The following VHL variants were observed in gnomAD, a reference collection of about 807,000 sequenced individuals.
VHL encodes the protein von Hippel-Lindau disease tumor suppressor.
Under a neutral mutation model 19.2 loss-of-function variants are expected in VHL, and 10 were observed. The observed-to-expected ratio is 0.52, with a 90% CI of 0.32 to 0.89. The LOEUF (loss-of-function observed/expected upper bound fraction) is 0.89. VHL is among the 40% of genes least tolerant of loss of function. The pLI is 0.03. For synonymous variants in VHL, 167 were observed against 129.5 expected (o/e 1.29, Z -1.97); for missense variants, 328 against 292.7 (o/e 1.12, Z -0.88).
intron 2 of VHL, 109 bp from the exon 3 acceptor site, chr3:10,149,678 C>T: frequency 1.0e-6 from 1 of 986,364 alleles, no homozygotes; most frequent in Non-Finnish European, 1.6e-6. Flanking sequence ...TTTCTTTAAC[C>T]TAAAGTGAGA....
rs557550041 is a variant in VHL, at chr3:10,152,779, C to T, written c.*2814C>T. Among the ~76,000 whole-genome samples, 13 of 151,802 alleles carry T rather than the reference C, an allele frequency of 8.6e-5. No individual in the cohort carries two copies. Among genetic ancestry groups the T allele is most frequent in the East Asian group, 4.0e-4 (2 of 5,052 alleles). ...TGCTGGGATTACAGGTGTGAGCCAC[C>T]GCGTCCAGCCAGCTTTATTATTTTT... On this transcript the variant is annotated 3_prime_UTR_variant, in exon 3 of 3. Coordinates refer to ENST00000256474, the MANE Select transcript of VHL (RefSeq NM_000551.4).
At chr3:10,143,691 C>T (rs1388400745) in intron 1 of VHL, among the ~76,000 whole-genome samples, 1 of 152,170 alleles carries the variant, frequency 6.6e-6, no homozygotes, top group African/African-American at 2.4e-5. Flanking sequence ...TCGTGATCTG[C>T]CTGCTTCGGC....
At chr3:10,146,421 G>T in intron 1 of VHL, 93 bp from the exon 2 acceptor site, 1 of 1,552,832 alleles carries the variant, frequency 6.4e-7, no homozygotes, top group Non-Finnish European at 8.8e-7. Context: ...TGATCCGCCT[G>T]CCTCGGCCTC....
chr3:10,142,285 G>T (rs1199741498), intron 1 of VHL, 98 bp downstream of exon 1: 2 of 1,369,610 alleles, frequency 1.5e-6, no homozygotes, highest in Non-Finnish European at 2.0e-6. Flanking sequence ...GGGGAACTGA[G>T]GCCCCTTGAG....
rs1291416224 is a variant in VHL at position 10,150,452 on chromosome 3, T to A, written c.*487T>A. The A allele has an allele frequency of 2.4e-6, 2 of 823,046 alleles. No homozygotes were observed. Among genetic ancestry groups the A allele is most frequent in the Non-Finnish European group, 3.2e-6 (2 of 627,810 alleles). The allele number at this position is 823,046 out of a possible 1,614,324, so 51.0% of individuals were successfully genotyped here. A position where few individuals can be genotyped will look rare whatever the true frequency, so the allele number is the denominator to read the frequency against. On this transcript the variant is annotated 3_prime_UTR_variant, in exon 3 of 3. Transcript: ENST00000256474. ...TTCTCCTCTTTGAGACCCCAGTGCC[T>A]GCACATCATGAGCCTTCAGTCAGGG...
rs1217318731 is a variant in VHL at position 10,150,051 on chromosome 3, C to G, written c.*86C>G. 3 of 1,555,050 alleles carry G rather than the reference C, an allele frequency of 1.9e-6. No individual in the cohort carries two copies. The East Asian group carries it at 7.3e-5, about 38-fold the overall frequency. Reference sequence around the variant, plus strand: ...ATCTAGATACAGGACTGGTTCCTTCCTTAGTTTCAAAGTGTCTCATTCTCA... The same window carrying G: ...ATCTAGATACAGGACTGGTTCCTTCGTTAGTTTCAAAGTGTCTCATTCTCA... On this transcript the variant is annotated 3_prime_UTR_variant, in exon 3 of 3. Coordinates refer to ENST00000256474, the MANE Select transcript of VHL (RefSeq NM_000551.4).
At chr3:10,148,314 T>A (rs1696313632) in intron 2 of VHL, among the ~76,000 whole-genome samples, 1 of 133,506 alleles carries the variant, frequency 7.5e-6, no homozygotes, top group Non-Finnish European at 1.7e-5. Context: ...TACTAGATTT[T>A]CTTTTTTTTT....
At chr3:10,147,160 T>C (rs1341487163) in intron 2 of VHL, among the ~76,000 whole-genome samples, 2 of 151,758 alleles carry the variant, frequency 1.3e-5, no homozygotes, top group Non-Finnish European at 2.9e-5. Flanking sequence ...TACAGGCGTG[T>C]GCCACCCACT....
chr3:10,149,655 T>C lies in VHL; in HGVS notation c.464-132T>C, dbSNP rs1696350984. 1.3e-5 allele frequency: 10 copies of C among 770,654 alleles called. No homozygotes were observed. In the South Asian group the frequency reaches 1.3e-4, roughly 10 times the overall value. The allele number at this position is 770,654 out of a possible 1,614,324, so 47.7% of individuals were successfully genotyped here. ...TCAGCATAACACACTGCCACATACA[T>C]GCACTCACTTTTTTTCTTTAACCTA... On this transcript the variant is annotated intron_variant, in intron 2 of 2. Transcript: ENST00000256474.
chr3:10,146,656 T>TA lies in VHL; in HGVS notation c.463+25dup. 1.2e-6 allele frequency: 2 copies of TA among 1,612,770 alleles called. No homozygotes were observed. Among genetic ancestry groups the TA allele is most frequent in the Non-Finnish European group, 1.7e-6 (2 of 1,179,032 alleles). ...TGCCAGGTACTGACGTTTTACTTTT[T>TA]AAAAAGATAAGGTTGTTGTGGTAAG... On this transcript the variant is annotated intron_variant, in intron 2 of 2. Transcript: ENST00000256474.
chr3:10,149,534 C>T (rs890063702), intron 2 of VHL, among the ~76,000 whole-genome samples: 3 of 152,172 alleles, frequency 2.0e-5, no homozygotes, highest in African/African-American at 4.8e-5. Context: ...GTCGCTTCAT[C>T]CACATTCAGT....
chr3:10,150,009 G>C lies in VHL; in HGVS notation c.*44G>C, dbSNP rs752024930. The C allele has an allele frequency of 2.5e-6, 4 of 1,591,340 alleles. No homozygotes were observed. The highest frequency in any genetic ancestry group is 3.4e-6 in the Non-Finnish European group (4 of 1,168,702). On this transcript the variant is annotated 3_prime_UTR_variant, in exon 3 of 3. Transcript: ENST00000256474. ...ACACTGTTTCATCTCAGCTTTTGAT[G>C]GTACTGATGAGTCTTGATCTAGATA...
At chr3:10,145,483 A>T (rs984389925) in intron 1 of VHL, among the ~76,000 whole-genome samples, 296 of 152,104 alleles carry the variant, frequency 1.9e-3, no homozygotes, top group African/African-American at 6.8e-3. Flanking sequence ...AGGCGGGCGG[A>T]TCATAAGATC....
In VHL at chr3:10,150,001, C is replaced by G; in HGVS notation, c.*36C>G. ...TGAAACTTACACTGTTTCATCTCAG[C>G]TTTTGATGGTACTGATGAGTCTTGA... On this transcript the variant is annotated 3_prime_UTR_variant, in exon 3 of 3. Coordinates refer to ENST00000256474, the MANE Select transcript of VHL (RefSeq NM_000551.4). 2 of 1,598,394 alleles carry G rather than the reference C, an allele frequency of 1.3e-6. No homozygotes were observed. Among genetic ancestry groups the G allele is most frequent in the Non-Finnish European group, 1.7e-6 (2 of 1,172,250 alleles).
chr3:10,146,586 C>T lies in VHL; in HGVS notation c.413C>T (p.Pro138Leu), dbSNP rs780178275. The change falls in exon 2 of 3, where the codon CCA becomes CTA. Residue 138 changes from proline to leucine, a missense_variant. Coordinates refer to ENST00000256474, the MANE Select transcript of VHL (RefSeq NM_000551.4). ...LLVNQTELFV[P>L]SLNVDGQPIF... Reference sequence around the variant, plus strand: ...GTTAACCAAACTGAATTATTTGTGCCATCTCTCAATGTTGACGGACAGCCT... The same window carrying T: ...GTTAACCAAACTGAATTATTTGTGCTATCTCTCAATGTTGACGGACAGCCT... 2 of 1,614,006 alleles carry T rather than the reference C, an allele frequency of 1.2e-6. No homozygotes were observed. The highest frequency in any genetic ancestry group is 1.1e-5 in the South Asian group (1 of 91,084).
At chr3:10,149,689 T>C (rs1022835238) in intron 2 of VHL, 98 bp from the exon 3 acceptor site, 6 of 1,052,006 alleles carry the variant, frequency 5.7e-6, no homozygotes, top group Non-Finnish European at 8.7e-6. Context: ...TAAAGTGAGA[T>C]CCATCAGTAG....
chr3:10,149,974 G>A lies in VHL; in HGVS notation c.*9G>A, dbSNP rs764358108. On this transcript the variant is annotated 3_prime_UTR_variant, in exon 3 of 3. Coordinates refer to ENST00000256474, the MANE Select transcript of VHL (RefSeq NM_000551.4). ...AACGGATGGGAGATTGAAGATTTCT[G>A]TTGAAACTTACACTGTTTCATCTCA... 6.2e-7 allele frequency: 1 copy of A among 1,611,832 alleles called. No homozygotes were observed. Among genetic ancestry groups the A allele is most frequent in the South Asian group, 1.1e-5 (1 of 90,688 alleles).
intron 1 of VHL, 129 bp downstream of exon 1, chr3:10,142,316 C>A: frequency 1.1e-6 from 1 of 873,596 alleles, no homozygotes; most frequent in Non-Finnish European, 1.7e-6. Flanking sequence ...TCCAGGGTGA[C>A]GCTGCTCGTA....
At position 10,146,602 on chromosome 3, in the gene VHL, C is replaced by T. The variant is rs773556807; in HGVS notation, c.429C>T (p.Asp143=). 1.4e-5 allele frequency: 23 copies of T among 1,613,832 alleles called. No individual in the cohort carries two copies. Among genetic ancestry groups the T allele is most frequent in the African/African-American group, 4.0e-5 (3 of 74,910 alleles). ...TELFVPSLNV[D]GQPIFANITL... ...TATTTGTGCCATCTCTCAATGTTGA[C>T]GGACAGCCTATTTTTGCCAATATCA... Residue 143 remains aspartate (D), a synonymous_variant, in exon 2 of 3, where the codon GAC becomes GAT. Transcript: ENST00000256474.
Sources: allele counts gnomAD v4.1 joint callset (sites outside exome capture counted in the v4.1 genomes callset), GRCh38; gene constraint gnomAD v4.1.1; transcripts MANE v1.5; gene names NCBI Gene and HGNC (gene_info 2026-07-23, HGNC 2026-07-21).